GPR158: variants seen among roughly 807,000 people sequenced by gnomAD.
GPR158 encodes the protein metabotropic glycine receptor.
A neutral mutation model predicts 78.2 loss-of-function variants in GPR158; 30 were observed. The ratio of observed to expected loss-of-function variants is 0.38; its 90% CI spans 0.29 to 0.52. The LOEUF is 0.52. Ranked by LOEUF, GPR158 falls within the 20% of genes least tolerant of loss-of-function variation. GPR158 has a pLI of 0.83. For synonymous variants in GPR158, 581 were observed against 591.1 expected (o/e 0.98, Z 0.25); for missense variants, 1,463 against 1,523.5 (o/e 0.96, Z 0.66).
chr10:25,307,470 C>T (rs538171024), intron 2 of GPR158, among the ~76,000 whole-genome samples: 8 of 150,310 alleles, frequency 5.3e-5, no homozygotes, highest in Non-Finnish European at 1.0e-4. Context: ...TGCAGTGTTG[C>T]CCTCCTGGGG....
chr10:25,551,092 A>G lies in GPR158; in HGVS notation c.1514+7A>G, dbSNP rs1836719862. Reference sequence around the variant, plus strand: ...TCACTCTCAAACTTCACAGGTATATACATTTTATTCATCGTCATTCTCATG... The same window carrying G: ...TCACTCTCAAACTTCACAGGTATATGCATTTTATTCATCGTCATTCTCATG... On this transcript the variant is annotated splice_region_variant and intron_variant, in intron 6 of 10. Coordinates refer to ENST00000376351, the MANE Select transcript of GPR158 (RefSeq NM_020752.3). 2.1e-6 allele frequency: 3 copies of G among 1,411,840 alleles called. No individual in the cohort carries two copies. The highest frequency in any genetic ancestry group is 3.0e-6 in the Non-Finnish European group (3 of 995,484). 87.5% of individuals were successfully genotyped at this position (1,411,840 alleles called of 1,614,324 possible).
intron 9 of GPR158, among the ~76,000 whole-genome samples, chr10:25,596,402 C>T (rs549595380): frequency 1.5e-4 from 23 of 152,082 alleles, no homozygotes; most frequent in Admixed American, 9.2e-4. Flanking sequence ...GAGGCTGCTG[C>T]GTGCTATGAC....
At chr10:25,380,634 A>G (rs894678803) in intron 2 of GPR158, among the ~76,000 whole-genome samples, 4 of 152,298 alleles carry the variant, frequency 2.6e-5, no homozygotes, top group Admixed American at 2.6e-4. Flanking sequence ...CAATGTGTGT[A>G]TATTAGATAC....
intron 6 of GPR158, among the ~76,000 whole-genome samples, chr10:25,558,767 G>A (rs1195517148): frequency 1.3e-5 from 2 of 152,206 alleles, no homozygotes; most frequent in Non-Finnish European, 2.9e-5. Context: ...AGTTAGAAGT[G>A]TGATTTTTTA....
intron 5 of GPR158, among the ~76,000 whole-genome samples, chr10:25,472,506 AT>A (rs761073024): frequency 6.6e-5 from 10 of 152,290 alleles, no homozygotes; most frequent in Non-Finnish European, 1.2e-4. Flanking sequence ...GAAGAAAGTC[AT>A]TGGTAGCTGG....
intron 2 of GPR158, among the ~76,000 whole-genome samples, chr10:25,392,059 TC>T (rs1169229408): frequency 6.6e-6 from 1 of 152,180 alleles, no homozygotes; most frequent in Non-Finnish European, 1.5e-5. Flanking sequence ...TCTTTTGCCT[TC>T]CGCCATGATT....
chr10:25,425,684 T>C (rs956799952), intron 4 of GPR158, among the ~76,000 whole-genome samples: 1 of 149,338 alleles, frequency 6.7e-6, no homozygotes, highest in Non-Finnish European at 1.5e-5. Flanking sequence ...TACAAGGAAT[T>C]TAAACAAATC....
At chr10:25,237,224 C>G (rs541995740) in intron 2 of GPR158, among the ~76,000 whole-genome samples, 1 of 152,268 alleles carries the variant, frequency 6.6e-6, no homozygotes, top group South Asian at 2.1e-4. Context: ...ACCAGGTAAT[C>G]TCATCTTCCT....
At position 25,356,740 on chromosome 10, in the gene GPR158, G is replaced by T. The variant is rs548622283; in HGVS notation, c.1009-39171G>T. ...TAAGTCCAATAAACCTCTTTCTTTT[G>T]TAAACTGTCCAGTCTCTGGTACATC... is the stretch of plus-strand genomic sequence containing the variant. On this transcript the variant is annotated intron_variant, in intron 2 of 10. Coordinates refer to ENST00000376351, the MANE Select transcript of GPR158 (RefSeq NM_020752.3). Among the ~76,000 whole-genome samples, 539 of 152,132 alleles carry T rather than the reference G, an allele frequency of 3.5e-3. 5 individuals are homozygous for T. Among genetic ancestry groups the T allele is most frequent in the African/African-American group, 0.013 (520 of 41,528 alleles).
At chr10:25,417,001 G>A (rs930698032) in intron 4 of GPR158, among the ~76,000 whole-genome samples, 3 of 151,922 alleles carry the variant, frequency 2.0e-5, no homozygotes, top group Admixed American at 2.0e-4. Context: ...GGCTTTCCTG[G>A]AGTTTTCTAG....
intron 2 of GPR158, among the ~76,000 whole-genome samples, chr10:25,239,748 T>TG (rs1328278188): frequency 6.6e-6 from 1 of 152,244 alleles, no homozygotes; most frequent in African/African-American, 2.4e-5. Flanking sequence ...AAAGTTCTGT[T>TG]GGATAGGCTA....
chr10:25,239,663 A>T (rs1176064893), intron 2 of GPR158, among the ~76,000 whole-genome samples: 2 of 151,352 alleles, frequency 1.3e-5, no homozygotes, highest in African/African-American at 4.9e-5. Context: ...ACTACCCTGT[A>T]TTTTCTCTAT....
At position 25,196,142 on chromosome 10, in the gene GPR158, G is replaced by C. The variant is rs185659762; in HGVS notation, c.902+19820G>C. ...TACATAAATTATTTTCTGCTATCCA[G>C]TTTCTCTTTCTGTAACTCCTACAGT... On this transcript the variant is annotated intron_variant, in intron 1 of 10. Transcript: ENST00000376351. 2.4e-4 allele frequency among the ~76,000 whole-genome samples: 37 copies of C among 151,406 alleles called. 1 individual carries two copies. In the East Asian group the frequency reaches 7.2e-3, roughly 29 times the overall value.
chr10:25,551,532 A>T (rs1156991510), intron 6 of GPR158, among the ~76,000 whole-genome samples: 1 of 152,208 alleles, frequency 6.6e-6, no homozygotes, highest in African/African-American at 2.4e-5. Context: ...CGATGGGTAA[A>T]GTTCAGAAAA....
At chr10:25,377,193 A>G (rs747899065) in intron 2 of GPR158, among the ~76,000 whole-genome samples, 6 of 151,372 alleles carry the variant, frequency 4.0e-5, no homozygotes, top group Non-Finnish European at 7.4e-5. Context: ...TATGTTTTCT[A>G]TTGTTCCCAT....
At chr10:25,550,474 G>T (rs1588908335) in intron 5 of GPR158, among the ~76,000 whole-genome samples, 2 of 152,090 alleles carry the variant, frequency 1.3e-5, no homozygotes, top group Admixed American at 6.6e-5. Flanking sequence ...GTGGAGGTGG[G>T]AACAATCGGC....
At chr10:25,520,838 C>G (rs900115133) in intron 5 of GPR158, among the ~76,000 whole-genome samples, 1 of 152,208 alleles carries the variant, frequency 6.6e-6, no homozygotes, top group Non-Finnish European at 1.5e-5. Context: ...GCCCTGCCCC[C>G]AGAGGTGGAG....
chr10:25,324,034 C>G (rs1031665067), intron 2 of GPR158, among the ~76,000 whole-genome samples: 9 of 152,200 alleles, frequency 5.9e-5, no homozygotes, highest in Non-Finnish European at 1.2e-4. Flanking sequence ...GGTTACAGAT[C>G]AAGGGAATGT....
At chr10:25,520,853 C>CAG (rs1836254422) in intron 5 of GPR158, among the ~76,000 whole-genome samples, 1 of 152,240 alleles carries the variant, frequency 6.6e-6, no homozygotes, top group African/African-American at 2.4e-5. Context: ...GTGGAGCCTA[C>CAG]AGAGGCAGGC....
Sources: gnomAD v4.1 joint callset for allele counts (sites outside exome capture counted in the v4.1 genomes callset) on GRCh38, gnomAD v4.1.1 for gene constraint, MANE v1.5 for transcripts, NCBI Gene and HGNC (gene_info 2026-07-23, HGNC 2026-07-21) for gene names.